Variants in IQGAP2 observed in about 807,000 individuals in gnomAD.
The protein encoded by IQGAP2 is IQ motif containing GTPase activating protein 2.
Under a neutral mutation model 201.3 loss-of-function variants are expected in IQGAP2, and 173 were observed. The ratio of observed to expected loss-of-function variants is 0.86; its 90% CI spans 0.76 to 0.98. The LOEUF is 0.98. Ranked by LOEUF, IQGAP2 falls within the 50% of genes least tolerant of loss-of-function variation. IQGAP2 has a pLI of 0.00. For synonymous variants in IQGAP2, 675 were observed against 673.9 expected (o/e 1.00, Z -0.03); for missense variants, 1,687 against 1,864.8 (o/e 0.90, Z 1.76).
At position 76,665,095 on chromosome 5, in the gene IQGAP2, G is replaced by GA; in HGVS notation, c.2600dup (p.Asp867GlufsTer10). ...AGAAATGGAAATACTGAATAACACCGACAACCAAGGAATAAAAAGTTTGAG... is the reference window on the plus strand; with the variant it reads ...AGAAATGGAAATACTGAATAACACCGAACAACCAAGGAATAAAAAGTTTGAG... On this transcript the variant is annotated frameshift_variant, in exon 22 of 36. Transcript: ENST00000274364. LOFTEE classifies it high-confidence loss of function. 1.2e-6 allele frequency: 2 copies of GA among 1,606,164 alleles called. No homozygotes were observed. Among genetic ancestry groups the GA allele is most frequent in the Non-Finnish European group, 1.7e-6 (2 of 1,172,896 alleles).
intron 2 of IQGAP2, among the ~76,000 whole-genome samples, chr5:76,489,013 C>A (rs1191008882): frequency 2.0e-5 from 3 of 152,222 alleles, no homozygotes; most frequent in African/African-American, 7.2e-5. Context: ...GGTCACACGA[C>A]TGGAAAAGGC....
At chr5:76,694,978 TAAG>T (rs1194274329) in intron 31 of IQGAP2, among the ~76,000 whole-genome samples, 1 of 152,248 alleles carries the variant, frequency 6.6e-6, no homozygotes, top group African/African-American at 2.4e-5. Flanking sequence ...GATTCCCTTA[TAAG>T]AATAAAGCTC....
chr5:76,418,589 A>G (rs959535028), intron 1 of IQGAP2, among the ~76,000 whole-genome samples: 1 of 66,928 alleles, frequency 1.5e-5, no homozygotes, highest in Non-Finnish European at 2.6e-5. Context: ...GTGAGACTCC[A>G]TCTCGAAAAA....
At chr5:76,508,679 GT>G (rs1211887886) in intron 2 of IQGAP2, among the ~76,000 whole-genome samples, 12 of 146,842 alleles carry the variant, frequency 8.2e-5, no homozygotes, top group South Asian at 2.2e-4. Flanking sequence ...CCTGTCTCTG[GT>G]TTTTTTTTTG....
At chr5:76,593,880 C>T (rs1045867188) in intron 9 of IQGAP2, among the ~76,000 whole-genome samples, 5 of 152,152 alleles carry the variant, frequency 3.3e-5, no homozygotes, top group Admixed American at 6.5e-5. Context: ...TGTACACCCA[C>T]GGTGTTACTA....
intron 1 of IQGAP2, among the ~76,000 whole-genome samples, chr5:76,413,281 G>T (rs1474397594): frequency 1.4e-5 from 2 of 143,036 alleles, no homozygotes; most frequent in Non-Finnish European, 3.0e-5. Context: ...CAATTCTCCT[G>T]TCTCAGCCTC....
In IQGAP2 at chr5:76,569,883, G is replaced by C. The variant is rs563557130; in HGVS notation, c.304-697G>C. Among the ~76,000 whole-genome samples the C allele has an allele frequency of 1.3e-4, 20 of 152,292 alleles. No homozygotes were observed. In the South Asian group the frequency reaches 3.9e-3, roughly 30 times the overall value. ...GGCAAGAATGCTATACTTACAGGCT[G>C]TGCAGAAGGAATGACTATCTGATGA... is the stretch of plus-strand genomic sequence containing the variant. On this transcript the variant is annotated intron_variant, in intron 3 of 35. Coordinates refer to ENST00000274364, the MANE Select transcript of IQGAP2 (RefSeq NM_006633.5).
intron 2 of IQGAP2, among the ~76,000 whole-genome samples, chr5:76,486,696 G>T (rs1031316481): frequency 6.6e-6 from 1 of 152,058 alleles, no homozygotes; most frequent in Admixed American, 6.6e-5. Context: ...CCTTAAAAGT[G>T]ACAACACCCA....
intron 5 of IQGAP2, among the ~76,000 whole-genome samples, chr5:76,580,948 G>A (rs1269617350): frequency 6.6e-6 from 1 of 152,218 alleles, no homozygotes; most frequent in Non-Finnish European, 1.5e-5. Context: ...TGACCATTGA[G>A]ATTCTTCTAC....
chr5:76,422,050 G>T (rs934460691), intron 1 of IQGAP2, among the ~76,000 whole-genome samples: 2 of 152,166 alleles, frequency 1.3e-5, no homozygotes, highest in Non-Finnish European at 2.9e-5. Context: ...ATTTCCCATT[G>T]ATTTTAAAGG....
At chr5:76,670,990 C>A (rs1391289202) in intron 23 of IQGAP2, among the ~76,000 whole-genome samples, 2 of 152,178 alleles carry the variant, frequency 1.3e-5, no homozygotes, top group Non-Finnish European at 2.9e-5. Flanking sequence ...AAACTGGGAA[C>A]AGTGGCTCAC....
chr5:76,467,324 G>A (rs565173058), intron 2 of IQGAP2, among the ~76,000 whole-genome samples: 2 of 152,086 alleles, frequency 1.3e-5, no homozygotes, highest in Non-Finnish European at 2.9e-5. Context: ...TTTTAAAATG[G>A]GCAAAAGTTC....
chr5:76,609,507 C>G (rs1201346841), intron 12 of IQGAP2, among the ~76,000 whole-genome samples: 3 of 152,082 alleles, frequency 2.0e-5, no homozygotes, highest in African/African-American at 7.2e-5. Context: ...TCTTTTCATT[C>G]TTAACGAAGT....
chr5:76,595,768 A>AAGAGAGAGAGAG (rs142088212), intron 9 of IQGAP2, among the ~76,000 whole-genome samples: 22 of 144,292 alleles, frequency 1.5e-4, no homozygotes, highest in African/African-American at 5.4e-4. Context: ...CAAAAAAAGA[A>AAGAGAGAGAGAG]AGAGAGAGAG....
At chr5:76,524,397 A>G (rs1758853851) in intron 2 of IQGAP2, among the ~76,000 whole-genome samples, 1 of 152,206 alleles carries the variant, frequency 6.6e-6, no homozygotes, top group Non-Finnish European at 1.5e-5. Flanking sequence ...GGACTGTAGT[A>G]GGGTTCCTGT....
At chr5:76,571,474 C>T (rs1458252999) in intron 4 of IQGAP2, among the ~76,000 whole-genome samples, 2 of 152,140 alleles carry the variant, frequency 1.3e-5, no homozygotes, top group African/African-American at 4.8e-5. Context: ...GATGAGCTAC[C>T]ATGCCCGGCG....
At chr5:76,592,181 C>A (rs771929308) in intron 8 of IQGAP2, among the ~76,000 whole-genome samples, 3 of 152,280 alleles carry the variant, frequency 2.0e-5, no homozygotes, top group South Asian at 4.1e-4. Flanking sequence ...GTTAACCCAC[C>A]AGAGACATGC....
intron 13 of IQGAP2, among the ~76,000 whole-genome samples, chr5:76,612,283 G>A (rs1179266937): frequency 1.3e-5 from 2 of 152,094 alleles, no homozygotes. Context: ...AGGAGTTCGA[G>A]ACCAGCCTGG....
intron 1 of IQGAP2, among the ~76,000 whole-genome samples, chr5:76,433,707 C>G (rs1159816704): frequency 1.3e-5 from 2 of 152,146 alleles, no homozygotes; most frequent in African/African-American, 2.4e-5. Context: ...TGAACCCTGA[C>G]TACTTAGATA....
Sources: allele counts gnomAD v4.1 joint callset (sites outside exome capture counted in the v4.1 genomes callset), GRCh38; gene constraint gnomAD v4.1.1; transcripts MANE v1.5; gene names NCBI Gene and HGNC (gene_info 2026-07-23, HGNC 2026-07-21).